The following CFAP20DC variants were observed in gnomAD, a reference collection of about 807,000 sequenced individuals.
CFAP20DC encodes protein CFAP20DC.
CFAP20DC carries 84 observed loss-of-function variants against 101.7 expected under a neutral mutation model. That is an observed-to-expected ratio of 0.83 (90% CI 0.69 to 0.99). The LOEUF (loss-of-function observed/expected upper bound fraction) is 0.99, where lower values mean the gene tolerates loss of function less well. Ranked by LOEUF, CFAP20DC falls within the 50% of genes least tolerant of loss-of-function variation. The pLI, the probability that CFAP20DC is intolerant of heterozygous loss-of-function variation, is 0.00. For missense variants in CFAP20DC, 1,007 were observed against 970.3 expected (o/e 1.04, Z -0.50); for synonymous variants, 359 against 351.2 (o/e 1.02, Z -0.25).
intron 14 of CFAP20DC, among the ~76,000 whole-genome samples, chr3:58,816,627 C>CT (rs1475238708): frequency 1.4e-5 from 2 of 142,408 alleles, no homozygotes; most frequent in African/African-American, 6.0e-5. Flanking sequence ...CCACACCTGG[C>CT]TCGAGGGTCC....
At chr3:58,779,801 G>C (rs1401196582) in intron 15 of CFAP20DC, among the ~76,000 whole-genome samples, 1 of 152,124 alleles carries the variant, frequency 6.6e-6, no homozygotes, top group Non-Finnish European at 1.5e-5. Flanking sequence ...TTAGCAAATT[G>C]ATAATGGAAA....
At chr3:58,921,771 G>A (rs913950532) in intron 5 of CFAP20DC, among the ~76,000 whole-genome samples, 12 of 152,152 alleles carry the variant, frequency 7.9e-5, no homozygotes, top group African/African-American at 2.9e-4. Context: ...TATCTTTAGT[G>A]ATTGTCAATT....
chr3:58,797,323 G>C (rs1400174094), intron 15 of CFAP20DC, among the ~76,000 whole-genome samples: 1 of 152,180 alleles, frequency 6.6e-6, no homozygotes, highest in Non-Finnish European at 1.5e-5. Context: ...AAGTGAAACA[G>C]CTTTAATTGG....
chr3:58,763,442 A>C (rs1006609830), intron 15 of CFAP20DC, among the ~76,000 whole-genome samples: 1 of 148,894 alleles, frequency 6.7e-6, no homozygotes, highest in African/African-American at 2.5e-5. Flanking sequence ...CATTCGTCTA[A>C]TTTTTTTTCA....
chr3:58,765,597 C>T (rs1360966859), intron 15 of CFAP20DC, among the ~76,000 whole-genome samples: 2 of 149,274 alleles, frequency 1.3e-5, no homozygotes, highest in East Asian at 2.0e-4. Context: ...ATCTTGTATA[C>T]ATTTAAGTAA....
chr3:59,038,177 T>C (rs548141531), intron 4 of CFAP20DC, among the ~76,000 whole-genome samples: 143 of 152,082 alleles, frequency 9.4e-4, no homozygotes, highest in African/African-American at 3.3e-3. Flanking sequence ...CCAATAATAA[T>C]GTAGATGACG....
intron 12 of CFAP20DC, among the ~76,000 whole-genome samples, chr3:58,856,981 A>G (rs1236659085): frequency 1.3e-5 from 2 of 152,174 alleles, no homozygotes; most frequent in Non-Finnish European, 1.5e-5. Context: ...TCTGTATATG[A>G]CGTAGGTAGA....
At chr3:58,895,212 T>A (rs1385178571) in intron 6 of CFAP20DC, among the ~76,000 whole-genome samples, 1 of 152,246 alleles carries the variant, frequency 6.6e-6, no homozygotes, top group East Asian at 1.9e-4. Context: ...CTGGCTTGAA[T>A]TTCTCCTCAG....
Position 58,899,362 on chromosome 3 carries a change from C to G in CFAP20DC, c.550+14346G>C, listed in dbSNP as rs1423990984. Reference sequence around the variant, plus strand: ...GGACTCGGTCCTTCTCAGGCAGACTCAAGCCTGCTGCTGCTGACTGGCTGG... The same window carrying G: ...GGACTCGGTCCTTCTCAGGCAGACTGAAGCCTGCTGCTGCTGACTGGCTGG... On this transcript the variant is annotated intron_variant, in intron 6 of 16. Transcript: ENST00000482387. The surrounding 1 kb of genome is among the most constrained non-coding windows in gnomAD (Gnocchi z 5.0). Among the ~76,000 whole-genome samples the G allele has an allele frequency of 6.6e-6, 1 of 152,198 alleles. No homozygotes were observed. The highest frequency in any genetic ancestry group is 1.5e-5 in the Non-Finnish European group (1 of 68,028).
In CFAP20DC at chr3:58,730,113, T is replaced by A. The variant is rs140985411; in HGVS notation, c.198-12485A>T. On this transcript the variant is annotated intron_variant, in intron 3 of 3. Coordinates refer to the CFAP20DC transcript ENST00000486145. ...GTCATTTTGTCATTTTAAGGCTCAC[T>A]CTGAATGCTGTGTTGAGGATTAAAC... 6.3e-4 allele frequency among the ~76,000 whole-genome samples: 96 copies of A among 151,860 alleles called. 1 individual carries two copies. The East Asian group carries it at 0.018, about 29-fold the overall frequency.
chr3:58,826,027 C>A (rs1192394892), intron 14 of CFAP20DC, among the ~76,000 whole-genome samples: 1 of 152,174 alleles, frequency 6.6e-6, no homozygotes, highest in Non-Finnish European at 1.5e-5. Context: ...AAAGACTCTT[C>A]ATTTTACTCT....
chr3:58,852,732 C>T (rs1291945512), intron 12 of CFAP20DC, among the ~76,000 whole-genome samples: 1 of 151,360 alleles, frequency 6.6e-6, no homozygotes, highest in Non-Finnish European at 1.5e-5. Flanking sequence ...TCCTGAATGA[C>T]TACTGGGTAC....
At position 58,722,264 on chromosome 3, in the gene CFAP20DC, A is replaced by G. The variant is rs575115892; in HGVS notation, c.198-4636T>C. On this transcript the variant is annotated intron_variant, in intron 3 of 3. Transcript: ENST00000486145. This position sits in a 1 kb window ranked among gnomAD's most constrained non-coding sequence, Gnocchi z 4.5. ...GTGTTCAGTCACCCCCACCCCTTTGAGCCTTTCCAGCTGAGGTCCCAGATA... is the reference window on the plus strand; with the variant it reads ...GTGTTCAGTCACCCCCACCCCTTTGGGCCTTTCCAGCTGAGGTCCCAGATA... 6.6e-6 allele frequency among the ~76,000 whole-genome samples: 1 copy of G among 152,230 alleles called. No individual in the cohort carries two copies. The highest frequency in any genetic ancestry group is 2.1e-4 in the South Asian group (1 of 4,820).
chr3:58,741,319 C>T (rs1194696237), downstream of CFAP20DC, among the ~76,000 whole-genome samples: 4 of 152,050 alleles, frequency 2.6e-5, no homozygotes, highest in African/African-American at 9.7e-5. Flanking sequence ...ATCCGGCAAG[C>T]AGAGTTAGAC....
chr3:58,933,153 C>G (rs1340837552), intron 5 of CFAP20DC, among the ~76,000 whole-genome samples: 1 of 151,958 alleles, frequency 6.6e-6, no homozygotes, highest in Non-Finnish European at 1.5e-5. Flanking sequence ...TTTAAACCAA[C>G]AAAGATCAAA....
intron 12 of CFAP20DC, among the ~76,000 whole-genome samples, chr3:58,857,060 A>G (rs534961389): frequency 6.6e-6 from 1 of 152,198 alleles, no homozygotes; most frequent in African/African-American, 2.4e-5. Context: ...GTGTGAGGCA[A>G]TTTCTAGACA....
At chr3:58,769,822 C>A (rs1258007414) in intron 15 of CFAP20DC, among the ~76,000 whole-genome samples, 1 of 152,160 alleles carries the variant, frequency 6.6e-6, no homozygotes, top group African/African-American at 2.4e-5. Context: ...TCACATCAAT[C>A]CAGGTTTATA....
intron 3 of CFAP20DC, among the ~76,000 whole-genome samples, chr3:58,718,078 G>A (rs1308099631): frequency 6.6e-6 from 1 of 152,186 alleles, no homozygotes; most frequent in Non-Finnish European, 1.5e-5. Flanking sequence ...CCAATTTTGT[G>A]CCTGGCCTGG....
At chr3:59,030,969 G>A (rs1009483155) in intron 4 of CFAP20DC, among the ~76,000 whole-genome samples, 3 of 151,948 alleles carry the variant, frequency 2.0e-5, no homozygotes, top group East Asian at 1.9e-4. Context: ...GACTACAGGC[G>A]CCCGCCACCA....
Sources: allele counts gnomAD v4.1 joint callset (sites outside exome capture counted in the v4.1 genomes callset), GRCh38; gene constraint gnomAD v4.1.1; non-coding constraint Gnocchi (gnomAD v3.1); transcripts MANE v1.5; gene names NCBI Gene and HGNC (gene_info 2026-07-23, HGNC 2026-07-21).